ING3: variants seen among roughly 807,000 people sequenced by gnomAD.
ING3 encodes inhibitor of growth family member 3, also known as inhibitor of growth protein 3.
Under a neutral mutation model 64.8 loss-of-function variants are expected in ING3, and 6 were observed. The ratio of observed to expected loss-of-function variants is 0.09; its 90% CI spans 0.05 to 0.18. The LOEUF is 0.18. Among genes scored for constraint, ING3 ranks in the 10% least tolerant of loss-of-function variants. The pLI, the probability that ING3 is intolerant of heterozygous loss-of-function variation, is 1.00. For synonymous variants in ING3, 170 were observed against 173.7 expected, an observed-to-expected ratio of 0.98 and a Z score of 0.17; for missense variants, 310 against 489.7, an observed-to-expected ratio of 0.63 and a Z score of 3.46.
intron 10 of ING3, among the ~76,000 whole-genome samples, chr7:120,972,206 T>G (rs1469098312): frequency 6.6e-6 from 1 of 152,126 alleles, no homozygotes; most frequent in Non-Finnish European, 1.5e-5. Flanking sequence ...GGCTTTCTCT[T>G]TGGCTCTTCT....
At chr7:120,951,340 C>A in intron 2 of ING3, 105 bp downstream of exon 2, 1 of 1,046,002 alleles carries the variant, frequency 9.6e-7, no homozygotes, top group Non-Finnish European at 1.5e-6. Context: ...CTCTGGCTCA[C>A]TCCGCTAGTG....
chr7:120,959,629 CATTTT>C (rs1562974018), intron 4 of ING3, among the ~76,000 whole-genome samples: 1 of 118,678 alleles, frequency 8.4e-6, no homozygotes, highest in African/African-American at 3.3e-5. Context: ...CACTTCCTCA[CATTTT>C]TTTTTTTTTT....
chr7:120,974,090 A>G (rs1396313745), intron 11 of ING3, among the ~76,000 whole-genome samples: 2 of 152,140 alleles, frequency 1.3e-5, no homozygotes, highest in African/African-American at 4.8e-5. Flanking sequence ...CAAGAACATC[A>G]CTGTAAACTC....
At chr7:120,970,932 G>A (rs966591255) in intron 10 of ING3, 52 bp downstream of exon 10, 2 of 1,438,984 alleles carry the variant, frequency 1.4e-6, no homozygotes, top group Non-Finnish European at 1.9e-6. Flanking sequence ...CTAGAAGGAA[G>A]AGAACTATTT....
chr7:120,962,110 C>T (rs1795940572), intron 4 of ING3, among the ~76,000 whole-genome samples: 1 of 152,168 alleles, frequency 6.6e-6, no homozygotes, highest in Non-Finnish European at 1.5e-5. Context: ...GGCAAGTTCA[C>T]AGCTCTTATT....
chr7:120,968,983 T>C, intron 8 of ING3, 28 bp from the exon 9 acceptor site: 1 of 1,437,114 alleles, frequency 7.0e-7, no homozygotes, highest in African/African-American at 1.4e-5. Context: ...TTACATATAT[T>C]GATGCTATCA....
chr7:120,971,748 G>A (rs1013175802), intron 10 of ING3, among the ~76,000 whole-genome samples: 7 of 151,804 alleles, frequency 4.6e-5, no homozygotes, highest in Non-Finnish European at 8.8e-5. Context: ...ATTACGATAG[G>A]CATTTTTTAA....
chr7:120,962,881 T>C (rs1168524132), intron 4 of ING3, among the ~76,000 whole-genome samples: 1 of 152,144 alleles, frequency 6.6e-6, no homozygotes, highest in Non-Finnish European at 1.5e-5. Flanking sequence ...TATCCCTTAT[T>C]ATATTAAAAA....
chr7:120,953,957 C>T (rs1795805948), intron 3 of ING3, among the ~76,000 whole-genome samples: 1 of 152,188 alleles, frequency 6.6e-6, no homozygotes. Context: ...ACACGTACAT[C>T]TCAAAGTTTG....
chr7:120,956,096 C>A, intron 4 of ING3: 2 of 1,036,830 alleles, frequency 1.9e-6, no homozygotes, highest in Non-Finnish European at 3.0e-6. Context: ...TCGTATGTAA[C>A]AGCTGTGTCA....
At chr7:120,973,298 T>C in intron 11 of ING3, 55 bp downstream of exon 11, 1 of 1,136,510 alleles carries the variant, frequency 8.8e-7, no homozygotes. Flanking sequence ...TTGTTATTAC[T>C]TGAATATTTG....
In ING3 at chr7:120,953,323, A is replaced by T; in HGVS notation, c.120A>T (p.Glu40Asp). 6.2e-7 allele frequency: 1 copy of T among 1,601,788 alleles called. No homozygotes were observed. Among genetic ancestry groups the T allele is most frequent in the Middle Eastern group, 1.7e-4 (1 of 6,032 alleles). Reference sequence around the variant, plus strand: ...TCATAGATGCAATGGATCAACTAGAACAAAGAGTCAGTGAATTCTTTATGA... The same window carrying T: ...TCATAGATGCAATGGATCAACTAGATCAAAGAGTCAGTGAATTCTTTATGA... ...LQVQNAMDQL[E>D]QRVSEFFMNA... Residue 40 changes from glutamate to aspartate, a missense_variant, in exon 3 of 12, where the codon GAA becomes GAT. Around this residue, in one of 3 missense-constraint regions of ING3, gnomAD observed 53 missense variants for 116.2 expected, o/e 0.46. Coordinates refer to ENST00000315870, the MANE Select transcript of ING3 (RefSeq NM_019071.3).
intron 7 of ING3, 96 bp from the exon 8 acceptor site, chr7:120,967,838 A>AATG: frequency 4.4e-6 from 6 of 1,359,458 alleles, no homozygotes; most frequent in Non-Finnish European, 6.1e-6. Context: ...TAAAAATTTT[A>AATG]ATGATTATAT....
chr7:120,956,184 A>G, intron 4 of ING3: 2 of 1,609,940 alleles, frequency 1.2e-6, no homozygotes, highest in Non-Finnish European at 1.7e-6. Context: ...GATTGAAAAC[A>G]CCAAGAAGAT....
intron 2 of ING3, 77 bp from the exon 3 acceptor site, chr7:120,953,227 C>T: frequency 1.3e-6 from 1 of 764,534 alleles, no homozygotes; most frequent in Non-Finnish European, 2.1e-6. Context: ...CAGATTTTTT[C>T]CCTCCCTAAA....
intron 9 of ING3, among the ~76,000 whole-genome samples, chr7:120,969,567 G>A (rs968263258): frequency 1.3e-5 from 2 of 151,220 alleles, no homozygotes; most frequent in African/African-American, 4.8e-5. Context: ...ATATCCTGGT[G>A]ATTTTTTTTT....
chr7:120,962,527 A>T (rs1359553653), intron 4 of ING3, among the ~76,000 whole-genome samples: 28 of 151,966 alleles, frequency 1.8e-4, no homozygotes, highest in Admixed American at 1.8e-3. Flanking sequence ...AAAATGAAAC[A>T]ATCCTTAAAT....
At chr7:120,958,079 G>A (rs1386575992) in intron 4 of ING3, among the ~76,000 whole-genome samples, 2 of 152,070 alleles carry the variant, frequency 1.3e-5, no homozygotes, top group African/African-American at 2.4e-5. Context: ...TTTCAACTCT[G>A]CCAAGTGGAA....
chr7:120,951,543 C>T (rs1291724235), intron 2 of ING3, among the ~76,000 whole-genome samples: 1 of 152,194 alleles, frequency 6.6e-6, no homozygotes, highest in African/African-American at 2.4e-5. Flanking sequence ...TGGACGTCAG[C>T]ATAATAAATG....
Sources: allele counts gnomAD v4.1 joint callset (sites outside exome capture counted in the v4.1 genomes callset), GRCh38; gene constraint gnomAD v4.1.1; regional missense constraint gnomAD v4.1.1; transcripts MANE v1.5; gene names NCBI Gene and HGNC (gene_info 2026-07-23, HGNC 2026-07-21).